Variants in EHMT1 observed in about 807,000 individuals in gnomAD.
EHMT1 encodes the protein euchromatic histone lysine methyltransferase 1.
EHMT1 carries 15 observed loss-of-function variants against 147.2 expected under a neutral mutation model. The ratio of observed to expected loss-of-function variants is 0.10; its 90% CI spans 0.07 to 0.16. EHMT1 has a LOEUF of 0.16. EHMT1 is among the 10% of genes least tolerant of loss of function. EHMT1 has a pLI of 1.00. For synonymous variants in EHMT1, 795 were observed against 709.6 expected (o/e 1.12, Z -1.91); for missense variants, 1,587 against 1,772.4 (o/e 0.90, Z 1.88).
intron 24 of EHMT1, 53 bp downstream of exon 24, chr9:137,817,578 C>G: frequency 6.2e-7 from 1 of 1,607,072 alleles, no homozygotes; most frequent in Non-Finnish European, 8.5e-7. Flanking sequence ...GGGACGGAGG[C>G]CCATCTGTGT....
intron 1 of EHMT1, among the ~76,000 whole-genome samples, chr9:137,694,282 A>AC (rs35380654): frequency 2.6e-5 from 2 of 77,770 alleles, no homozygotes; most frequent in Middle Eastern, 0.014. Flanking sequence ...GCTGGCCGAT[A>AC]CCCCCACACA....
chr9:137,815,695 A>G (rs1954863313), intron 22 of EHMT1: 1 of 513,230 alleles, frequency 1.9e-6, no homozygotes, highest in African/African-American at 1.9e-5. Flanking sequence ...GGTGGACAGA[A>G]GCTGGCCCCA....
In EHMT1 at chr9:137,662,230, C is replaced by T. The variant is rs541864373; in HGVS notation, c.21+43181C>T. 1.4e-4 allele frequency among the ~76,000 whole-genome samples: 22 copies of T among 152,262 alleles called. 1 individual carries two copies. The South Asian group carries it at 4.4e-3, about 30-fold the overall frequency. On this transcript the variant is annotated intron_variant, in intron 1 of 26. Transcript: ENST00000460843. Reference sequence around the variant, plus strand: ...TATTTTTTTTCCAGACAGGGTTTCACTCTGTCACCCAGGCTGGAGTACAGT... The same window carrying T: ...TATTTTTTTTCCAGACAGGGTTTCATTCTGTCACCCAGGCTGGAGTACAGT...
intron 1 of EHMT1, among the ~76,000 whole-genome samples, chr9:137,668,365 C>G (rs970715731): frequency 2.0e-5 from 3 of 151,932 alleles, no homozygotes; most frequent in African/African-American, 7.3e-5. Context: ...ATACACCCAC[C>G]CACTCATCCA....
At chr9:137,730,737 G>A (rs10124805) in intron 4 of EHMT1, among the ~76,000 whole-genome samples, 8,276 of 152,296 alleles carry the variant, frequency 0.054, 709 homozygotes, top group African/African-American at 0.18. Context: ...GTCCTGGGGC[G>A]TGGGCACCTC....
At chr9:137,675,292 A>C (rs897236959) in intron 1 of EHMT1, 2 of 152,200 alleles carry the variant, frequency 1.3e-5, no homozygotes, top group Admixed American at 6.5e-5. Flanking sequence ...GAATTAGAAA[A>C]ATGAGTTGCT....
In EHMT1 at chr9:137,811,336, C is replaced by G. The variant is rs376170951; in HGVS notation, c.2713-125C>G. ...GTGGCACCCTTTCCACCTGGCCCTG[C>G]TGCGGACGGCCACGCATGCTCCAGA... On this transcript the variant is annotated intron_variant, in intron 18 of 26. Coordinates refer to ENST00000460843, the MANE Select transcript of EHMT1 (RefSeq NM_024757.5). 3 of 1,356,344 alleles carry G rather than the reference C, an allele frequency of 2.2e-6. No homozygotes were observed. The African/African-American group carries it at 4.3e-5, about 19-fold the overall frequency. The allele number at this position is 1,356,344 out of a possible 1,614,324, so 84.0% of individuals were successfully genotyped here. A position where few individuals can be genotyped will look rare whatever the true frequency, so the allele number is the denominator to read the frequency against.
rs970140013 is a variant in EHMT1, at chr9:137,835,092, A to T, written c.*139A>T. 7 of 1,059,008 alleles carry T rather than the reference A, an allele frequency of 6.6e-6. No individual in the cohort carries two copies. The African/African-American group carries it at 1.2e-4, about 18-fold the overall frequency. The allele number at this position is 1,059,008 out of a possible 1,614,324, so 65.6% of individuals were successfully genotyped here. ...CGGCTTCCTGGAGGGGTCGGAGGTG[A>T]GGCTGCAGCCCCTGCGGGCGGGTGT... On this transcript the variant is annotated 3_prime_UTR_variant, in exon 27 of 27. Transcript: ENST00000460843.
At position 137,776,078 on chromosome 9, in the gene EHMT1, T is replaced by C. The variant is rs937910904; in HGVS notation, c.1792-540T>C. 2.6e-5 allele frequency among the ~76,000 whole-genome samples: 4 copies of C among 152,204 alleles called. No homozygotes were observed. The highest frequency in any genetic ancestry group is 2.6e-4 in the Admixed American group (4 of 15,286). ...CTTTCTTTGGACTTCACACCTTGCA[T>C]GTCCTCCCCATCTTCAAACATCCTT... On this transcript the variant is annotated intron_variant, in intron 11 of 26. Transcript: ENST00000460843. This position sits in a 1 kb window ranked among gnomAD's most constrained non-coding sequence, Gnocchi z 4.4.
intron 3 of EHMT1, among the ~76,000 whole-genome samples, chr9:137,727,337 G>A (rs533504380): frequency 6.6e-6 from 1 of 152,188 alleles, no homozygotes; most frequent in Admixed American, 6.5e-5. Flanking sequence ...TCTGTTGCCT[G>A]TACTTTTGGT....
intron 1 of EHMT1, among the ~76,000 whole-genome samples, chr9:137,691,940 A>T (rs978829213): frequency 1.3e-5 from 2 of 152,166 alleles, no homozygotes; most frequent in African/African-American, 4.8e-5. Context: ...TCCTCTTTTA[A>T]TAGAGGACCT....
rs570154467 is a variant in EHMT1, at chr9:137,813,644, C to T, written c.3180+114C>T. ...TCAGAGCAGGAGGGCTTATGGGGGG[C>T]TTCCCAGGAAGACCTCATTCTCTTT... On this transcript the variant is annotated intron_variant, in intron 21 of 26. Transcript: ENST00000460843. The surrounding 1 kb of genome is among the most constrained non-coding windows in gnomAD (Gnocchi z 4.9). 6.6e-5 allele frequency: 96 copies of T among 1,454,130 alleles called. 1 individual carries two copies. In the African/African-American group the frequency reaches 1.2e-3, roughly 18 times the overall value. 90.1% of individuals were successfully genotyped at this position (1,454,130 alleles called of 1,614,324 possible).
intron 18 of EHMT1, among the ~76,000 whole-genome samples, chr9:137,808,372 G>A (rs1044433718): frequency 1.5e-4 from 23 of 152,162 alleles, no homozygotes; most frequent in African/African-American, 5.6e-4. Flanking sequence ...GGGCAGCCAC[G>A]GGCTCCCTCA....
intron 1 of EHMT1, among the ~76,000 whole-genome samples, chr9:137,706,408 AAGG>A (rs1327332883): frequency 1.3e-5 from 2 of 152,280 alleles, no homozygotes; most frequent in South Asian, 2.1e-4. Flanking sequence ...TGCTTAGATC[AAGG>A]AGAAGGAATA....
At chr9:137,760,447 C>T (rs1366400913) in intron 9 of EHMT1, among the ~76,000 whole-genome samples, 1 of 152,158 alleles carries the variant, frequency 6.6e-6, no homozygotes, top group Non-Finnish European at 1.5e-5. Flanking sequence ...CAGCTTTAAA[C>T]TTGTAGTGAT....
intron 1 of EHMT1, among the ~76,000 whole-genome samples, chr9:137,665,309 T>G (rs1268514495): frequency 2.0e-5 from 3 of 152,230 alleles, no homozygotes; most frequent in South Asian, 4.2e-4. Flanking sequence ...TGTAAGAAAT[T>G]TGGAGCTGGG....
chr9:137,811,595 G>A lies in EHMT1; in HGVS notation c.2847G>A (p.Glu949=). 6.2e-7 allele frequency: 1 copy of A among 1,602,860 alleles called. No individual in the cohort carries two copies. The highest frequency in any genetic ancestry group is 8.5e-7 in the Non-Finnish European group (1 of 1,179,962). ...GDSPLHIAAR[E]NRYDCVVLFL... The stretch of plus-strand genomic sequence containing the variant: ...CGCCACTGCACATTGCCGCCCGGGA[G>A]AACCGCTACGACTGTGTCGTGTGAG... The change falls in exon 19 of 27, where the codon GAG becomes GAA. Residue 949 remains glutamate, a synonymous_variant. Coordinates refer to ENST00000460843, the MANE Select transcript of EHMT1 (RefSeq NM_024757.5).
chr9:137,627,619 C>G (rs1485130475), intron 1 of EHMT1, among the ~76,000 whole-genome samples: 1 of 152,176 alleles, frequency 6.6e-6, no homozygotes, highest in Non-Finnish European at 1.5e-5. Context: ...GCCGCCGCGC[C>G]CGGCCCTTTT....
In EHMT1 at chr9:137,619,023, C is replaced by T. The variant is rs1243878049; in HGVS notation, c.-6C>T. The T allele has an allele frequency of 1.0e-5, 10 of 971,770 alleles. No homozygotes were observed. Among genetic ancestry groups the T allele is most frequent in the Non-Finnish European group, 1.1e-5 (9 of 819,296 alleles). The allele number at this position is 971,770 out of a possible 1,614,324, so 60.2% of individuals were successfully genotyped here. On this transcript the variant is annotated 5_prime_UTR_variant, in exon 1 of 27. Transcript: ENST00000460843. ...GAGGGGCGGGGCCACGCTGCGGGCC[C>T]GGGCCATGGCCGCCGCCGATGCCGA... is the stretch of plus-strand genomic sequence containing the variant.
Sources: gnomAD v4.1 joint callset for allele counts (sites outside exome capture counted in the v4.1 genomes callset) on GRCh38, gnomAD v4.1.1 for gene constraint, Gnocchi (gnomAD v3.1) non-coding constraint, MANE v1.5 for transcripts, NCBI Gene and HGNC (gene_info 2026-07-23, HGNC 2026-07-21) for gene names.